The following SCLY variants were observed in gnomAD, a reference collection of about 807,000 sequenced individuals.
SCLY encodes the protein putative selenocysteine lyase.
In SCLY, 38 loss-of-function variants were observed where a neutral mutation model predicts 50.1. The ratio of observed to expected loss-of-function variants is 0.76; its 90% confidence interval spans 0.59 to 0.99. The LOEUF (loss-of-function observed/expected upper bound fraction) is 0.99. Among genes scored for constraint, SCLY ranks in the 50% least tolerant of loss-of-function variants. SCLY has a pLI of 0.00. For synonymous variants in SCLY, 243 were observed against 249.4 expected (o/e 0.97, Z 0.24); for missense variants, 600 against 620.0 (o/e 0.97, Z 0.34).
rs1010944021 is a variant in SCLY at position 238,082,179 on chromosome 2, C to T, written c.747C>T (p.Gly249=). The T allele has an allele frequency of 1.1e-5, 17 of 1,610,784 alleles. No individual in the cohort carries two copies. The highest frequency in any genetic ancestry group is 1.3e-5 in the African/African-American group (1 of 74,856). ...GKQRVDVEDL[G]VDFLTIVGHK... is the part of the protein sequence containing the mutation. The stretch of plus-strand genomic sequence containing the variant: ...AGCGCGTGGATGTGGAGGACCTGGG[C>T]GTGGACTTCCTTACAATCGTGGGGC... Residue 249 remains glycine, a synonymous_variant, in exon 6 of 12, where the codon GGC becomes GGT. Coordinates refer to ENST00000254663, the MANE Select transcript of SCLY (RefSeq NM_016510.7).
intron 7 of SCLY, among the ~76,000 whole-genome samples, chr2:238,086,869 A>G (rs191132654): frequency 3.2e-4 from 48 of 152,096 alleles, no homozygotes; most frequent in Middle Eastern, 3.4e-3. Flanking sequence ...AAAATATAAA[A>G]TGAGCCGGGT....
In SCLY at chr2:238,098,539, G is replaced by C. The variant is rs1271614735; in HGVS notation, c.*184G>C. 3 of 583,246 alleles carry C rather than the reference G, an allele frequency of 5.1e-6. No individual in the cohort carries two copies. The highest frequency in any genetic ancestry group is 5.1e-6 in the Non-Finnish European group (2 of 391,880). 36.1% of individuals were successfully genotyped at this position (583,246 alleles called of 1,614,324 possible). A position where few individuals can be genotyped will look rare whatever the true frequency, so the allele number is the denominator to read the frequency against. ...TCCCTGGACCCCTGCAGAGCTCACAGGGCCCAGGACACCAACGCCGCATAG... is the reference window on the plus strand; with the variant it reads ...TCCCTGGACCCCTGCAGAGCTCACACGGCCCAGGACACCAACGCCGCATAG... On this transcript the variant is annotated 3_prime_UTR_variant, in exon 12 of 12. Transcript: ENST00000254663.
In SCLY at chr2:238,081,706, C is replaced by T. The variant is rs372685728; in HGVS notation, c.485-3C>T. ...CAGTTCGGTACTCATGTTTGTTTCCCAGCGGTCACCTTTGTCCCGGTGTCC... is the reference window on the plus strand; with the variant it reads ...CAGTTCGGTACTCATGTTTGTTTCCTAGCGGTCACCTTTGTCCCGGTGTCC... On this transcript the variant is annotated splice_region_variant and splice_polypyrimidine_tract_variant and intron_variant, in intron 4 of 11. Coordinates refer to ENST00000254663, the MANE Select transcript of SCLY (RefSeq NM_016510.7). 56 of 1,612,568 alleles carry T rather than the reference C, an allele frequency of 3.5e-5. No individual in the cohort carries two copies. In the African/African-American group the frequency reaches 5.9e-4, roughly 17 times the overall value.
rs1559242343 is a variant in SCLY at position 238,068,126 on chromosome 2, G to A, written c.264G>A (p.Gly88=). The change falls in exon 3 of 12, where the codon GGG becomes GGA. Residue 88 remains glycine (G), a synonymous_variant. Transcript: ENST00000254663. ...ARESLAKMIG[G]KPQDIIFTSG... ...AAAGCCTCGCGAAGATGATAGGGGG[G>A]AAACCTCAAGATATAATCTTCACTT... The A allele has an allele frequency of 3.1e-6, 5 of 1,611,116 alleles. No individual in the cohort carries two copies. Among genetic ancestry groups the A allele is most frequent in the Middle Eastern group, 1.7e-4 (1 of 6,056 alleles).
intron 1 of SCLY, among the ~76,000 whole-genome samples, chr2:238,063,223 C>T (rs190672196): frequency 1.3e-4 from 20 of 150,508 alleles, no homozygotes; most frequent in Admixed American, 1.3e-3. Context: ...ACATAGGTGG[C>T]TGCAGTTTTG....
chr2:238,077,832 C>T (rs1300063488), intron 4 of SCLY, among the ~76,000 whole-genome samples: 2 of 152,190 alleles, frequency 1.3e-5, no homozygotes, highest in Non-Finnish European at 2.9e-5. Flanking sequence ...GAACATCACA[C>T]AGCATCTAAG....
intron 5 of SCLY, 96 bp downstream of exon 5, chr2:238,081,932 C>G: frequency 6.4e-7 from 1 of 1,574,794 alleles, no homozygotes. Context: ...TGGCCTCTCC[C>G]GTTTCTCTGT....
chr2:238,085,399 G>A (rs1246807763), intron 7 of SCLY, among the ~76,000 whole-genome samples: 2 of 152,012 alleles, frequency 1.3e-5, no homozygotes, highest in East Asian at 3.8e-4. Flanking sequence ...CAGAACAATA[G>A]AAATCCAGAC....
rs1559254951 is a variant in SCLY, at chr2:238,098,651, C to CCGCCCACATGGGACCGCCCACATGGGAA, written c.*305_*306insGGGACCGCCCACATGGGAACGCCCACAT. On this transcript the variant is annotated 3_prime_UTR_variant, in exon 12 of 12. Coordinates refer to ENST00000254663, the MANE Select transcript of SCLY (RefSeq NM_016510.7). ...CCCACATGGGACCGCCCACATGGGACCGCCCACATAGAACCGTCCTCCAGT... is the reference window on the plus strand; with the variant it reads ...CCCACATGGGACCGCCCACATGGGACCGCCCACATGGGACCGCCCACATGGGAACGCCCACATAGAACCGTCCTCCAGT... The CCGCCCACATGGGACCGCCCACATGGGAA allele has an allele frequency of 3.5e-4, 114 of 322,034 alleles. 4 individuals are homozygous for CCGCCCACATGGGACCGCCCACATGGGAA. The highest frequency in any genetic ancestry group is 1.8e-3 in the East Asian group (46 of 25,362). 19.9% of individuals were successfully genotyped at this position (322,034 alleles called of 1,614,324 possible). A position where few individuals can be genotyped will look rare whatever the true frequency, so the allele number is the denominator to read the frequency against.
At chr2:238,088,292 C>T (rs55765135) in intron 7 of SCLY, among the ~76,000 whole-genome samples, 31,520 of 151,604 alleles carry the variant, frequency 0.21, 3,456 homozygotes, top group South Asian at 0.35. Context: ...TGAAATCTCG[C>T]CTCTATTACA....
rs1691316502 is a variant in SCLY, at chr2:238,098,605, A to AGAACCGCCCACATG, written c.*251_*252insAACCGCCCACATGG. 3.4e-3 allele frequency: 1,043 copies of AGAACCGCCCACATG among 311,318 alleles called. 51 individuals are homozygous for AGAACCGCCCACATG. In the Admixed American group the frequency reaches 0.04, roughly 12 times the overall value. The allele number at this position is 311,318 out of a possible 1,614,324, so 19.3% of individuals were successfully genotyped here. On this transcript the variant is annotated 3_prime_UTR_variant, in exon 12 of 12. Coordinates refer to ENST00000254663, the MANE Select transcript of SCLY (RefSeq NM_016510.7). ...ACCGCCCACATAGGACCGCCCACAT[A>AGAACCGCCCACATG]GGACCGCCCACATGGGACCGCCCAC...
rs577395016 is a variant in SCLY, at chr2:238,061,191, G to C, written c.89+48G>C. 12 of 1,374,772 alleles carry C rather than the reference G, an allele frequency of 8.7e-6. No homozygotes were observed. In the South Asian group the frequency reaches 1.5e-4, roughly 17 times the overall value. 85.2% of individuals were successfully genotyped at this position (1,374,772 alleles called of 1,614,324 possible). A position where few individuals can be genotyped will look rare whatever the true frequency, so the allele number is the denominator to read the frequency against. ...TGGGGAGCGGCCGGCGCCTGTCGCC[G>C]ATTGTCCCGCGCGGGAGGACGAAGG... On this transcript the variant is annotated intron_variant, in intron 1 of 11. Coordinates refer to ENST00000254663, the MANE Select transcript of SCLY (RefSeq NM_016510.7).
At chr2:238,081,102 C>G (rs2065232250) in intron 4 of SCLY, 1 of 152,514 alleles carries the variant, frequency 6.6e-6, no homozygotes. Flanking sequence ...AAGTGAGCCA[C>G]TGCGCCTGGC....
At chr2:238,061,701 G>T (rs2065020256) in intron 1 of SCLY, among the ~76,000 whole-genome samples, 2 of 152,156 alleles carry the variant, frequency 1.3e-5, no homozygotes, top group African/African-American at 4.8e-5. Flanking sequence ...AGAAACGGAT[G>T]CGTTGGTAGG....
At position 238,082,156 on chromosome 2, in the gene SCLY, C is replaced by A. The variant is rs752963333; in HGVS notation, c.724C>A (p.Arg242Ser). 2 of 1,612,454 alleles carry A rather than the reference C, an allele frequency of 1.2e-6. No individual in the cohort carries two copies. Among genetic ancestry groups the A allele is most frequent in the Non-Finnish European group, 1.7e-6 (2 of 1,179,860 alleles). ...TDAAQALGKQ[R>S]VDVEDLGVDF... is the part of the protein sequence containing the mutation. ...TGCTGCACAGGCCTTGGGGAAGCAG[C>A]GCGTGGATGTGGAGGACCTGGGCGT... The change falls in exon 6 of 12, where the codon CGC becomes AGC. Residue 242 changes from arginine to serine, a missense_variant. Arg to Ser is a moderately radical substitution (Grantham distance 110). Transcript: ENST00000254663.
chr2:238,064,532 A>G (rs2065050915), intron 2 of SCLY, 63 bp downstream of exon 2: 3 of 1,087,936 alleles, frequency 2.8e-6, no homozygotes, highest in Middle Eastern at 2.5e-4. Context: ...GCTCTTAGAG[A>G]AATTGCACAC....
intron 4 of SCLY, among the ~76,000 whole-genome samples, chr2:238,076,586 A>G (rs13409062): frequency 0.022 from 3,386 of 151,636 alleles, 127 homozygotes; most frequent in African/African-American, 0.078. Flanking sequence ...GGAAGGCCGC[A>G]GGGTCCTCTG....
In SCLY at chr2:238,085,735, G is replaced by T. The variant is rs1041720067; in HGVS notation, c.884+2381G>T. Among the ~76,000 whole-genome samples the T allele has an allele frequency of 2.6e-5, 4 of 151,988 alleles. No individual in the cohort carries two copies. In the East Asian group the frequency reaches 7.7e-4, roughly 29 times the overall value. ...GGACTCTGTCTCAAAAAAATAAAAA[G>T]AATGGGGTTTAAAATAGAGCTTCAG... On this transcript the variant is annotated intron_variant, in intron 7 of 11. Coordinates refer to ENST00000254663, the MANE Select transcript of SCLY (RefSeq NM_016510.7).
chr2:238,091,554 CCCAAA>C, intron 8 of SCLY: 13 of 349,638 alleles, frequency 3.7e-5, no homozygotes, highest in Admixed American at 8.6e-5. Context: ...GTTCACCATT[CCCAAA>C]GGCGTCGGCA....
Sources: gnomAD v4.1 joint callset for allele counts (sites outside exome capture counted in the v4.1 genomes callset) on GRCh38, gnomAD v4.1.1 for gene constraint, MANE v1.5 for transcripts, NCBI Gene and HGNC (gene_info 2026-07-23, HGNC 2026-07-21) for gene names.